POU6F2: variants seen among roughly 807,000 people sequenced by gnomAD.
POU6F2 encodes POU domain, class 6, transcription factor 2.
A neutral mutation model predicts 71.3 loss-of-function variants in POU6F2; 31 were observed. The observed-to-expected ratio is 0.43, with a 90% CI of 0.33 to 0.59. The LOEUF (loss-of-function observed/expected upper bound fraction) is 0.59, where lower values mean the gene tolerates loss of function less well. Among genes scored for constraint, POU6F2 ranks in the 20% least tolerant of loss-of-function variants. The pLI is 0.04. For missense variants in POU6F2, 783 were observed against 856.8 expected, an observed-to-expected ratio of 0.91 and a Z score of 1.07; for synonymous variants, 347 against 355.7, an observed-to-expected ratio of 0.98 and a Z score of 0.27.
chr7:39,189,426 C>CGGAGTGCAGTTGCATAGGCT (rs1398510320), intron 2 of POU6F2, among the ~76,000 whole-genome samples: 1 of 152,072 alleles, frequency 6.6e-6, no homozygotes, highest in African/African-American at 2.4e-5. Flanking sequence ...GTCGCCAGGC[C>CGGAGTGCAGTTGCATAGGCT]GGAGTGCAGT....
intron 7 of POU6F2, among the ~76,000 whole-genome samples, chr7:39,449,539 G>C (rs1269470704): frequency 6.6e-6 from 1 of 152,160 alleles, no homozygotes; most frequent in Non-Finnish European, 1.5e-5. Context: ...CAGTTTGAGA[G>C]GTTCTAAGAA....
chr7:39,098,402 T>A (rs935524640), intron 2 of POU6F2, among the ~76,000 whole-genome samples: 2 of 151,892 alleles, frequency 1.3e-5, no homozygotes, highest in African/African-American at 4.8e-5. Flanking sequence ...GCCTCCTGAG[T>A]AGCTGGTACT....
At chr7:39,097,692 G>A (rs1442550843) in intron 2 of POU6F2, among the ~76,000 whole-genome samples, 1 of 152,158 alleles carries the variant, frequency 6.6e-6, no homozygotes, top group Non-Finnish European at 1.5e-5. Context: ...CTGTGGTAGG[G>A]GCTGTGCTGT....
intron 4 of POU6F2, among the ~76,000 whole-genome samples, chr7:39,332,653 A>G (rs1053928222): frequency 1.3e-5 from 2 of 152,164 alleles, no homozygotes; most frequent in African/African-American, 2.4e-5. Context: ...TGCTATTGAG[A>G]GGTATGATAG....
chr7:39,180,647 T>C (rs1793418555), intron 2 of POU6F2, among the ~76,000 whole-genome samples: 1 of 152,170 alleles, frequency 6.6e-6, no homozygotes, highest in South Asian at 2.1e-4. Flanking sequence ...GGCTGTGTGA[T>C]TCATGCAGGC....
At chr7:39,048,226 GT>G (rs556386009) in intron 1 of POU6F2, among the ~76,000 whole-genome samples, 43 of 151,878 alleles carry the variant, frequency 2.8e-4, no homozygotes, top group South Asian at 2.3e-3. Flanking sequence ...TTTTATCTTA[GT>G]TTCAGGGGTA....
At position 39,011,971 on chromosome 7, in the gene POU6F2, T is replaced by C. The variant is rs567352583; in HGVS notation, c.105+33913T>C. ...TGCCCTTAACATTTTTTCCTTCATT[T>C]CAACTTTGGTGAAACTGACAATTAT... On this transcript the variant is annotated intron_variant, in intron 1 of 9. Coordinates refer to ENST00000518318, the MANE Select transcript of POU6F2 (RefSeq NM_001370959.1). Among the ~76,000 whole-genome samples the C allele has an allele frequency of 7.9e-4, 121 of 152,260 alleles. 1 individual carries two copies. The highest frequency in any genetic ancestry group is 1.4e-3 in the Non-Finnish European group (96 of 68,032).
At chr7:39,396,490 C>T (rs900268747) in intron 5 of POU6F2, among the ~76,000 whole-genome samples, 4 of 152,182 alleles carry the variant, frequency 2.6e-5, no homozygotes, top group African/African-American at 9.7e-5. Context: ...AGCTCTCTCT[C>T]CAGCATACTT....
At chr7:39,282,816 A>G (rs1179133804) in intron 4 of POU6F2, among the ~76,000 whole-genome samples, 2 of 152,134 alleles carry the variant, frequency 1.3e-5, no homozygotes, top group African/African-American at 2.4e-5. Flanking sequence ...ACTTTTGTAA[A>G]GAATGTCACT....
chr7:38,980,072 A>G (rs924906959), intron 1 of POU6F2, among the ~76,000 whole-genome samples: 4 of 152,122 alleles, frequency 2.6e-5, no homozygotes, highest in African/African-American at 4.8e-5. Flanking sequence ...TTTTGTATGT[A>G]CTCTTTAGTA....
At chr7:39,292,211 A>G (rs575005913) in intron 4 of POU6F2, among the ~76,000 whole-genome samples, 6 of 152,324 alleles carry the variant, frequency 3.9e-5, no homozygotes, top group East Asian at 1.9e-4. Context: ...TGTGAAACCT[A>G]TAAGAGTGGG....
At chr7:39,280,864 G>A (rs1364032174) in intron 4 of POU6F2, among the ~76,000 whole-genome samples, 1 of 152,178 alleles carries the variant, frequency 6.6e-6, no homozygotes, top group African/African-American at 2.4e-5. Context: ...TCCTATATTT[G>A]CAGTCTCTAA....
intron 3 of POU6F2, among the ~76,000 whole-genome samples, chr7:39,205,311 TTATG>T (rs1310253055): frequency 1.3e-5 from 2 of 152,130 alleles, no homozygotes; most frequent in African/African-American, 4.8e-5. Flanking sequence ...GTTCATGTAA[TTATG>T]TGTGTCTGTG....
In POU6F2 at chr7:39,104,975, G is replaced by T. The variant is rs533705448; in HGVS notation, c.277+18944G>T. The stretch of plus-strand genomic sequence containing the variant: ...ATGTGCATGTTTAGTTCTCCTGAAG[G>T]TTACCTTTTTTATCACTTTTATTTT... On this transcript the variant is annotated intron_variant, in intron 2 of 9. Transcript: ENST00000518318. 2.0e-5 allele frequency among the ~76,000 whole-genome samples: 3 copies of T among 152,248 alleles called. No homozygotes were observed. The East Asian group carries it at 5.8e-4, about 29-fold the overall frequency.
chr7:39,270,988 C>T (rs1384935002), intron 4 of POU6F2, among the ~76,000 whole-genome samples: 3 of 152,134 alleles, frequency 2.0e-5, no homozygotes, highest in African/African-American at 7.2e-5. Flanking sequence ...TAGCTTTGCC[C>T]TCACACACCC....
At chr7:38,994,147 T>A (rs1788678231) in intron 1 of POU6F2, among the ~76,000 whole-genome samples, 1 of 152,188 alleles carries the variant, frequency 6.6e-6, no homozygotes, top group South Asian at 2.1e-4. Context: ...AACTCCAAGC[T>A]GCAAGAGTGC....
chr7:39,087,184 ATTTATTTATTTATTTT>A (rs1386448355), intron 2 of POU6F2, among the ~76,000 whole-genome samples: 1 of 133,484 alleles, frequency 7.5e-6, no homozygotes, highest in Non-Finnish European at 1.6e-5. Flanking sequence ...TTATTTATTT[ATTTATTTATTTATTTT>A]AACCGACAGA....
chr7:39,272,278 G>C (rs545090942), intron 4 of POU6F2, among the ~76,000 whole-genome samples: 3 of 152,162 alleles, frequency 2.0e-5, no homozygotes, highest in Non-Finnish European at 4.4e-5. Flanking sequence ...ACTGTAGAGA[G>C]ATAGAGACTC....
intron 4 of POU6F2, among the ~76,000 whole-genome samples, chr7:39,262,782 G>T (rs752194962): frequency 6.6e-6 from 1 of 152,032 alleles, no homozygotes. Flanking sequence ...TCACGGAGTC[G>T]GACTTTTTTT....
Sources: allele counts gnomAD v4.1 joint callset (sites outside exome capture counted in the v4.1 genomes callset), GRCh38; gene constraint gnomAD v4.1.1; transcripts MANE v1.5; gene names NCBI Gene and HGNC (gene_info 2026-07-23, HGNC 2026-07-21).